Variants in NAV2 observed in about 807,000 individuals in gnomAD.
NAV2 encodes helicase, APC down-regulated 1.
NAV2 carries 54 observed loss-of-function variants against 223.2 expected under a neutral mutation model. The observed-to-expected ratio is 0.24, with a 90% CI of 0.19 to 0.30. The LOEUF (loss-of-function observed/expected upper bound fraction) is 0.30, where lower values mean the gene tolerates loss of function less well. NAV2 is among the 10% of genes least tolerant of loss of function. The probability of loss-of-function intolerance (pLI) is 1.00; values close to 1 mark genes in which losing one functional copy is unlikely to be tolerated. For synonymous variants in NAV2, 1,279 were observed against 1,239.3 expected, an observed-to-expected ratio of 1.03 and a Z score of -0.67; for missense variants, 2,806 against 3,147.5, an observed-to-expected ratio of 0.89 and a Z score of 2.60.
chr11:19,771,592 C>T (rs775607560), intron 1 of NAV2, among the ~76,000 whole-genome samples: 2 of 151,894 alleles, frequency 1.3e-5, no homozygotes, highest in Non-Finnish European at 2.9e-5. Context: ...TCATCTGACC[C>T]CCCCCATTAG....
intron 1 of NAV2, among the ~76,000 whole-genome samples, chr11:19,471,513 G>A (rs1376650777): frequency 2.0e-5 from 3 of 152,168 alleles, no homozygotes; most frequent in African/African-American, 7.2e-5. Flanking sequence ...TCTCACTGGT[G>A]AAGGAGGTGC....
At chr11:20,025,654 C>T (rs529338199) in intron 11 of NAV2, among the ~76,000 whole-genome samples, 1 of 152,170 alleles carries the variant, frequency 6.6e-6, no homozygotes, top group South Asian at 2.1e-4. Context: ...GACAAAGGTG[C>T]GGTGGGGTGA....
At chr11:19,599,080 G>A (rs868431458) in intron 1 of NAV2, among the ~76,000 whole-genome samples, 1 of 152,186 alleles carries the variant, frequency 6.6e-6, no homozygotes, top group African/African-American at 2.4e-5. Flanking sequence ...GGCCACCCAC[G>A]TTTGGAGGTG....
Position 20,055,847 on chromosome 11 carries a change from G to A in NAV2, c.4721G>A (p.Gly1574Glu), listed in dbSNP as rs578249174. 8.7e-5 allele frequency: 140 copies of A among 1,614,174 alleles called. 2 individuals are homozygous for A. The South Asian group carries it at 1.5e-3, about 17-fold the overall frequency. ...ACTCACAGCCTCTCCAATGCTGATG[G>A]GCAGTATGATCCATACACTGACAGC... ...LRTHSLSNAD[G>E]QYDPYTDSRF... Residue 1574 changes from glycine (G) to glutamate (E), a missense_variant, in exon 19 of 38, where the codon GGG (glycine) becomes GAG (glutamate). Around this residue, in one of 4 missense-constraint regions of NAV2, gnomAD observed 742 missense variants for 777.9 expected, o/e 0.95. Coordinates refer to ENST00000349880, the MANE Select transcript of NAV2 (RefSeq NM_145117.5).
intron 1 of NAV2, among the ~76,000 whole-genome samples, chr11:19,733,027 C>G (rs2051949935): frequency 6.6e-6 from 1 of 152,200 alleles, no homozygotes; most frequent in South Asian, 2.1e-4. Context: ...TGTGGTATTT[C>G]TAGGGAGCGG....
chr11:19,916,099 C>T (rs1051562535), intron 6 of NAV2, among the ~76,000 whole-genome samples: 1 of 152,036 alleles, frequency 6.6e-6, no homozygotes, highest in African/African-American at 2.4e-5. Flanking sequence ...TAGCATAGTG[C>T]CTTTTACACA....
At chr11:19,768,277 A>C (rs1461816089) in intron 1 of NAV2, among the ~76,000 whole-genome samples, 2 of 152,170 alleles carry the variant, frequency 1.3e-5, no homozygotes, top group Non-Finnish European at 2.9e-5. Context: ...AGCAGTCAGC[A>C]CTTCCTCTCT....
chr11:19,435,211 G>A (rs1417693435), intron 1 of NAV2, among the ~76,000 whole-genome samples: 3 of 151,962 alleles, frequency 2.0e-5, no homozygotes, highest in Non-Finnish European at 2.9e-5. Context: ...CCAATGTCTT[G>A]CCTTTCCCTG....
At chr11:19,815,894 G>A (rs944267662) in intron 1 of NAV2, among the ~76,000 whole-genome samples, 6 of 152,180 alleles carry the variant, frequency 3.9e-5, no homozygotes, top group Admixed American at 1.3e-4. Flanking sequence ...ACTGTTGTTA[G>A]GACTTTATTA....
intron 1 of NAV2, among the ~76,000 whole-genome samples, chr11:19,724,757 G>A (rs1485375813): frequency 6.6e-6 from 1 of 152,216 alleles, no homozygotes; most frequent in African/African-American, 2.4e-5. Flanking sequence ...AGACCACATG[G>A]AGCCAGTACT....
At chr11:19,445,794 G>T (rs1024180827) in intron 1 of NAV2, among the ~76,000 whole-genome samples, 2 of 150,274 alleles carry the variant, frequency 1.3e-5, no homozygotes, top group Non-Finnish European at 2.9e-5. Flanking sequence ...AAGGGAGATG[G>T]AGGGAAGTTA....
At chr11:19,804,744 A>G (rs2058456223) in intron 1 of NAV2, among the ~76,000 whole-genome samples, 6 of 152,244 alleles carry the variant, frequency 3.9e-5, no homozygotes, top group Admixed American at 3.3e-4. Context: ...TAATGATCAT[A>G]GATCCTGCTG....
At chr11:19,821,224 T>C (rs542153230) in intron 1 of NAV2, among the ~76,000 whole-genome samples, 17 of 139,506 alleles carry the variant, frequency 1.2e-4, no homozygotes, top group Non-Finnish European at 2.3e-4. Context: ...ATTGCGCCAC[T>C]GCACTCCAGC....
intron 1 of NAV2, among the ~76,000 whole-genome samples, chr11:19,469,759 T>A (rs2041904237): frequency 6.6e-6 from 1 of 152,270 alleles, no homozygotes; most frequent in South Asian, 2.1e-4. Flanking sequence ...CTGTATGTTC[T>A]GTCTGTTCTA....
At chr11:19,441,314 T>C (rs897579180) in intron 1 of NAV2, among the ~76,000 whole-genome samples, 5 of 152,152 alleles carry the variant, frequency 3.3e-5, no homozygotes, top group African/African-American at 1.2e-4. Flanking sequence ...TTTTGGTTTT[T>C]GACTTAAGAG....
Position 19,832,563 on chromosome 11 carries a change from C to T in NAV2, c.347C>T (p.Thr116Ile), listed in dbSNP as rs1414162278. Reference sequence around the variant, plus strand: ...ATCAGGGATCTCCAGCAAGATGTGACAGATGGCGTCCTCCTGGCCCAGATT... The same window carrying T: ...ATCAGGGATCTCCAGCAAGATGTGATAGATGGCGTCCTCCTGGCCCAGATT... ...RLIRDLQQDV[T>I]DGVLLAQIIQ... The change falls in exon 2 of 38, where the codon ACA (threonine) becomes ATA (isoleucine). Residue 116 changes from threonine (T) to isoleucine (I), a missense_variant. Transcript: ENST00000349880. 6.2e-7 allele frequency: 1 copy of T among 1,614,220 alleles called. No individual in the cohort carries two copies. The highest frequency in any genetic ancestry group is 1.1e-5 in the South Asian group (1 of 91,074).
At chr11:19,514,737 T>C (rs2043389614) in intron 1 of NAV2, among the ~76,000 whole-genome samples, 1 of 152,166 alleles carries the variant, frequency 6.6e-6, no homozygotes, top group African/African-American at 2.4e-5. Flanking sequence ...ATTTACTTCA[T>C]GTTCTCTGGA....
chr11:19,574,635 G>A (rs558786305), intron 1 of NAV2, among the ~76,000 whole-genome samples: 1 of 152,148 alleles, frequency 6.6e-6, no homozygotes, highest in African/African-American at 2.4e-5. Flanking sequence ...TATTTTTGTT[G>A]ATCACCTATT....
At chr11:20,000,804 G>A (rs570602554) in intron 11 of NAV2, among the ~76,000 whole-genome samples, 4 of 152,230 alleles carry the variant, frequency 2.6e-5, no homozygotes, top group African/African-American at 9.6e-5. Context: ...TGGGACGAAC[G>A]CTTCCTCTCC....
Sources: gnomAD v4.1 joint callset for allele counts (sites outside exome capture counted in the v4.1 genomes callset) on GRCh38, gnomAD v4.1.1 for gene constraint, gnomAD v4.1.1 regional missense constraint, MANE v1.5 for transcripts, NCBI Gene and HGNC (gene_info 2026-07-23, HGNC 2026-07-21) for gene names.